The following PHLPP1 variants were observed in gnomAD, a reference collection of about 807,000 sequenced individuals.
The protein encoded by PHLPP1 is PH domain and leucine rich repeat protein phosphatase 1, also known as PH domain leucine-rich repeat-containing protein phosphatase 1.
PHLPP1 carries 42 observed loss-of-function variants against 117.2 expected under a neutral mutation model. The ratio of observed to expected loss-of-function variants is 0.36; its 90% CI spans 0.28 to 0.46. The LOEUF is 0.46. Ranked by LOEUF, PHLPP1 falls within the 20% of genes least tolerant of loss-of-function variation. The pLI is 1.00. For missense variants in PHLPP1, 2,084 were observed against 2,241.9 expected (o/e 0.93, Z 1.42); for synonymous variants, 1,042 against 970.7 (o/e 1.07, Z -1.37).
At chr18:62,792,186 C>T (rs1913480477) in intron 1 of PHLPP1, among the ~76,000 whole-genome samples, 1 of 152,106 alleles carries the variant, frequency 6.6e-6, no homozygotes, top group Non-Finnish European at 1.5e-5. Flanking sequence ...TGATACTGAC[C>T]GAGCTTTACT....
chr18:62,872,986 C>CAAAA (rs60920082), intron 4 of PHLPP1, among the ~76,000 whole-genome samples: 944 of 54,578 alleles, frequency 0.017, 26 homozygotes, highest in African/African-American at 0.046. Context: ...AACTCTGCCT[C>CAAAA]AAAAAAAAAA....
chr18:62,975,659 AGAG>A (rs755660031), intron 16 of PHLPP1, 34 bp downstream of exon 16: 7 of 1,296,386 alleles, frequency 5.4e-6, no homozygotes, highest in Non-Finnish European at 7.8e-6. Flanking sequence ...AGGATGGTGG[AGAG>A]GAGAGGAGAG....
At chr18:62,873,091 G>A (rs1160174482) in intron 4 of PHLPP1, among the ~76,000 whole-genome samples, 1 of 152,002 alleles carries the variant, frequency 6.6e-6, no homozygotes, top group Non-Finnish European at 1.5e-5. Context: ...TGCCAAAGTG[G>A]TATATTTTGG....
chr18:62,857,852 T>C (rs1248953772), intron 3 of PHLPP1, among the ~76,000 whole-genome samples: 1 of 152,232 alleles, frequency 6.6e-6, no homozygotes, highest in Non-Finnish European at 1.5e-5. Context: ...ATAAAAGGCC[T>C]GCCACACACC....
intron 1 of PHLPP1, among the ~76,000 whole-genome samples, chr18:62,784,335 T>A (rs879694783): frequency 6.6e-6 from 1 of 152,196 alleles, no homozygotes; most frequent in Admixed American, 6.5e-5. Context: ...AAAAGAGGAA[T>A]GTAAAGTTTC....
Position 62,978,372 on chromosome 18 carries a change from G to T in PHLPP1, c.4095G>T (p.Gln1365His). Residue 1365 changes from glutamine to histidine, a missense_variant, in exon 17 of 17, where the codon CAG (glutamine) becomes CAT (histidine). Transcript: ENST00000262719. The surrounding 1 kb of genome is among the most constrained non-coding windows in gnomAD (Gnocchi z 7.0). The part of the protein sequence containing the change: ...PHVQSVLLTP[Q>H]DEFFILGSKG... ...TGCAGTCCGTGCTCCTGACTCCCCA[G>T]GATGAGTTCTTCATCCTAGGCAGTA... is the stretch of plus-strand genomic sequence containing the variant. 2 of 1,612,694 alleles carry T rather than the reference G, an allele frequency of 1.2e-6. No homozygotes were observed. The highest frequency in any genetic ancestry group is 2.2e-5 in the South Asian group (2 of 90,742).
intron 10 of PHLPP1, among the ~76,000 whole-genome samples, chr18:62,940,542 G>A (rs942766200): frequency 6.6e-6 from 1 of 150,990 alleles, no homozygotes; most frequent in African/African-American, 2.4e-5. Flanking sequence ...TTTTTTGTAT[G>A]TTTAGTAGAA....
At chr18:62,917,802 G>A (rs1909339081) in intron 9 of PHLPP1, among the ~76,000 whole-genome samples, 1 of 150,272 alleles carries the variant, frequency 6.7e-6, no homozygotes, top group Non-Finnish European at 1.5e-5. Flanking sequence ...CAACGGAGCT[G>A]AGACCCTGCC....
chr18:62,948,101 G>T (rs895379242), intron 12 of PHLPP1, among the ~76,000 whole-genome samples: 1 of 152,058 alleles, frequency 6.6e-6, no homozygotes, highest in Non-Finnish European at 1.5e-5. Flanking sequence ...GAGGCAGGTG[G>T]ATCACCTGAG....
chr18:62,781,084 CTTAT>C (rs1265517025), intron 1 of PHLPP1, among the ~76,000 whole-genome samples: 1 of 152,208 alleles, frequency 6.6e-6, no homozygotes, highest in Non-Finnish European at 1.5e-5. Flanking sequence ...AGCTTTACCA[CTTAT>C]TTGACTATTT....
intron 10 of PHLPP1, among the ~76,000 whole-genome samples, chr18:62,936,011 ATAAAAT>A (rs1909957617): frequency 1.3e-5 from 2 of 152,338 alleles, no homozygotes; most frequent in Admixed American, 6.5e-5. Context: ...TCACAAAAAA[ATAAAAT>A]TAAATAAAAA....
intron 3 of PHLPP1, among the ~76,000 whole-genome samples, chr18:62,856,230 G>T (rs757069095): frequency 3.0e-4 from 45 of 152,038 alleles, no homozygotes; most frequent in Non-Finnish European, 3.1e-4. Context: ...CCATATGTTG[G>T]TGATCACCTC....
chr18:62,731,383 T>C (rs1160831330), intron 1 of PHLPP1: 1 of 152,196 alleles, frequency 6.6e-6, no homozygotes, highest in African/African-American at 2.4e-5. Flanking sequence ...TGATTTTTGA[T>C]GTTACTATTG....
chr18:62,824,983 G>A (rs781421544), intron 1 of PHLPP1, among the ~76,000 whole-genome samples: 4 of 149,574 alleles, frequency 2.7e-5, no homozygotes, highest in Non-Finnish European at 5.9e-5. Context: ...CTGGAGTGCA[G>A]TGGCACAATC....
chr18:62,732,094 T>C (rs1411830274), intron 1 of PHLPP1, among the ~76,000 whole-genome samples: 1 of 152,240 alleles, frequency 6.6e-6, no homozygotes. Flanking sequence ...AAGATCTCGC[T>C]AAGATCATTG....
At chr18:62,855,743 A>T (rs1313139660) in intron 3 of PHLPP1, among the ~76,000 whole-genome samples, 1 of 152,188 alleles carries the variant, frequency 6.6e-6, no homozygotes, top group African/African-American at 2.4e-5. Flanking sequence ...CTTGATGTTA[A>T]ATCATTTTCT....
At chr18:62,800,113 G>A (rs1477799779) in intron 1 of PHLPP1, among the ~76,000 whole-genome samples, 1 of 152,062 alleles carries the variant, frequency 6.6e-6, no homozygotes, top group Non-Finnish European at 1.5e-5. Flanking sequence ...ACCAGGGCAC[G>A]GCCAGCTGGA....
chr18:62,800,330 C>T (rs1450665889), intron 1 of PHLPP1, among the ~76,000 whole-genome samples: 5 of 152,158 alleles, frequency 3.3e-5, no homozygotes, highest in Admixed American at 3.3e-4. Context: ...TATAAATTAA[C>T]GCTTTAGAGT....
At position 62,980,428 on chromosome 18, in the gene PHLPP1, C is replaced by T. The variant is rs955830524; in HGVS notation, c.*997C>T. 2.0e-5 allele frequency: 3 copies of T among 152,536 alleles called. No homozygotes were observed. The highest frequency in any genetic ancestry group is 2.9e-5 in the Non-Finnish European group (2 of 68,012). 9.4% of individuals were successfully genotyped at this position (152,536 alleles called of 1,614,324 possible). A position where few individuals can be genotyped will look rare whatever the true frequency, so the allele number is the denominator to read the frequency against. On this transcript the variant is annotated 3_prime_UTR_variant, in exon 17 of 17. Transcript: ENST00000262719. ...TTTGTTACAATAAATATGAAATTTACAAGTATTTACAAGTATCTGCTTTTG... is the reference window on the plus strand; with the variant it reads ...TTTGTTACAATAAATATGAAATTTATAAGTATTTACAAGTATCTGCTTTTG...
Sources: allele counts gnomAD v4.1 joint callset (sites outside exome capture counted in the v4.1 genomes callset), GRCh38; gene constraint gnomAD v4.1.1; non-coding constraint Gnocchi (gnomAD v3.1); transcripts MANE v1.5; gene names NCBI Gene and HGNC (gene_info 2026-07-23, HGNC 2026-07-21).